CTSO: variants seen among roughly 807,000 people sequenced by gnomAD.
CTSO encodes the protein cathepsin O.
A neutral mutation model predicts 42.4 loss-of-function variants in CTSO; 40 were observed. The observed-to-expected ratio is 0.94, with a 90% CI of 0.73 to 1.23. CTSO has a LOEUF of 1.23. Among genes scored for constraint, CTSO ranks in the 50% most tolerant of loss-of-function variants. The pLI is 0.00. For missense variants in CTSO, 441 were observed against 396.0 expected, an observed-to-expected ratio of 1.11 and a Z score of -0.96; for synonymous variants, 156 against 146.2, an observed-to-expected ratio of 1.07 and a Z score of -0.48.
At chr4:155,928,284 A>C in intron 7 of CTSO, 52 bp downstream of exon 7, 1 of 1,321,420 alleles carries the variant, frequency 7.6e-7, no homozygotes. Context: ...AAATATTCAA[A>C]TAATCTCCTT....
intron 3 of CTSO, among the ~76,000 whole-genome samples, chr4:155,939,893 C>A (rs1743398430): frequency 6.6e-6 from 1 of 152,140 alleles, no homozygotes; most frequent in Admixed American, 6.5e-5. Context: ...GGCTTTTCTT[C>A]TGGAGAGTGT....
chr4:155,945,710 C>A (rs956245145), intron 1 of CTSO, among the ~76,000 whole-genome samples: 6 of 152,154 alleles, frequency 3.9e-5, no homozygotes, highest in African/African-American at 4.8e-5. Context: ...AATAGAACTA[C>A]ATACCAGTAT....
chr4:155,928,420 G>A lies in CTSO; in HGVS notation c.847C>T (p.Pro283Ser). The stretch of plus-strand genomic sequence containing the variant: ...CAGGAATTCCGCACAATCCAATATG[G>A]AGTGCTTCCTACAGTGAAACATAAA... ...ITGFDKTGST[P>S]YWIVRNSWGS... Residue 283 changes from proline to serine, a missense_variant, in exon 7 of 8, where the codon CCA becomes TCA. Pro to Ser is a moderately conservative substitution (Grantham distance 74). Transcript: ENST00000433477. 6.2e-7 allele frequency: 1 copy of A among 1,607,958 alleles called. No homozygotes were observed. Among genetic ancestry groups the A allele is most frequent in the Non-Finnish European group, 8.5e-7 (1 of 1,176,312 alleles).
intron 7 of CTSO, among the ~76,000 whole-genome samples, chr4:155,928,124 T>C (rs111805716): frequency 1.3e-5 from 2 of 152,090 alleles, no homozygotes; most frequent in East Asian, 1.9e-4. Flanking sequence ...GAGATATATA[T>C]GTAATATATA....
At chr4:155,926,720 C>T (rs1306074233) in intron 7 of CTSO, among the ~76,000 whole-genome samples, 1 of 152,196 alleles carries the variant, frequency 6.6e-6, no homozygotes, top group Non-Finnish European at 1.5e-5. Context: ...GATTACCAAC[C>T]AGGCATGCCC....
Position 155,928,441 on chromosome 4 carries a change from A to G in CTSO, c.839-13T>C, listed in dbSNP as rs759264752. ...TATGGAGTGCTTCCTACAGTGAAACATAAATAGTAACAAATCCTGAAAACT... is the reference window on the plus strand; with the variant it reads ...TATGGAGTGCTTCCTACAGTGAAACGTAAATAGTAACAAATCCTGAAAACT... On this transcript the variant is annotated splice_polypyrimidine_tract_variant and intron_variant, in intron 6 of 7. Coordinates refer to ENST00000433477, the MANE Select transcript of CTSO (RefSeq NM_001334.3). 1.9e-6 allele frequency: 3 copies of G among 1,567,026 alleles called. No individual in the cohort carries two copies. Among genetic ancestry groups the G allele is most frequent in the Non-Finnish European group, 2.6e-6 (3 of 1,152,780 alleles).
At chr4:155,950,658 G>A (rs1308967497) in intron 1 of CTSO, among the ~76,000 whole-genome samples, 1 of 151,492 alleles carries the variant, frequency 6.6e-6, no homozygotes, top group Non-Finnish European at 1.5e-5. Flanking sequence ...TGAGGGGCCT[G>A]CGAGCATGCA....
At chr4:155,943,496 T>C (rs972556063) in intron 1 of CTSO, among the ~76,000 whole-genome samples, 3 of 152,194 alleles carry the variant, frequency 2.0e-5, no homozygotes, top group African/African-American at 7.2e-5. Context: ...TTTATTCATT[T>C]ATAATTCCCC....
Position 155,939,515 on chromosome 4 carries a change from G to C in CTSO, c.408C>G (p.Ser136Arg). Residue 136 changes from serine (S) to arginine (R), a missense_variant, in exon 4 of 8, where the codon AGC (serine) becomes AGG (arginine). Physicochemically the swap from Ser to Arg is moderately radical, Grantham distance 110 (BLOSUM62 -1). Coordinates refer to ENST00000433477, the MANE Select transcript of CTSO (RefSeq NM_001334.3). Reference protein sequence around the residue: ...QQMCGGCWAFSVVGAVESAYA... With the variant: ...QQMCGGCWAFRVVGAVESAYA... ...AAGCAGATTCCACTGCCCCCACCAC[G>C]CTGAAGGCCCAGCATCCTCCACACT... 1 of 1,613,570 alleles carries C rather than the reference G, an allele frequency of 6.2e-7. No individual in the cohort carries two copies. The highest frequency in any genetic ancestry group is 8.5e-7 in the Non-Finnish European group (1 of 1,179,710).
At chr4:155,941,543 T>G (rs1289975471) in intron 3 of CTSO, among the ~76,000 whole-genome samples, 1 of 152,234 alleles carries the variant, frequency 6.6e-6, no homozygotes, top group East Asian at 1.9e-4. Flanking sequence ...CTATATTTAT[T>G]GCAGTACTTA....
intron 1 of CTSO, among the ~76,000 whole-genome samples, chr4:155,948,401 A>G (rs961266516): frequency 6.6e-6 from 1 of 150,588 alleles, no homozygotes; most frequent in African/African-American, 2.5e-5. Flanking sequence ...GTGTGTGTGC[A>G]CATGTGTACT....
chr4:155,946,375 GA>G (rs1743547459), intron 1 of CTSO, among the ~76,000 whole-genome samples: 1 of 152,100 alleles, frequency 6.6e-6, no homozygotes, highest in African/African-American at 2.4e-5. Context: ...TGAAATAAAT[GA>G]ATGTATTATT....
rs1050054129 is a variant in CTSO, at chr4:155,953,793, C to G, written c.55G>C (p.Gly19Arg). The change falls in exon 1 of 8, where the codon GGC becomes CGC. Residue 19 changes from glycine to arginine, a missense_variant. Physicochemically the swap from Gly to Arg is moderately radical, Grantham distance 125 (BLOSUM62 -2). Transcript: ENST00000433477. ...GCGCGGGAGTCCGCATCGCCGCCGC[C>G]CCGGCACAGCAGCCACAGCAGCCAC... ...LPWLLWLLCR[G>R]GGDADSRAPF... The G allele has an allele frequency of 7.4e-7, 1 of 1,347,470 alleles. No homozygotes were observed. Among genetic ancestry groups the G allele is most frequent in the Non-Finnish European group, 9.6e-7 (1 of 1,045,918 alleles). 83.5% of individuals were successfully genotyped at this position (1,347,470 alleles called of 1,614,324 possible).
In CTSO at chr4:155,953,852, G is replaced by A. The variant is rs1400265621; in HGVS notation, c.-5C>T. The stretch of plus-strand genomic sequence containing the variant: ...CGGCAGCGCCCGCACGTCCATTGCG[G>A]CGCCCGGCTCCTCTGCCGCCCGCGC... On this transcript the variant is annotated 5_prime_UTR_variant, in exon 1 of 8. Transcript: ENST00000433477. 3.2e-5 allele frequency: 41 copies of A among 1,276,782 alleles called. No individual in the cohort carries two copies. The highest frequency in any genetic ancestry group is 3.9e-5 in the Non-Finnish European group (40 of 1,015,406). 79.1% of individuals were successfully genotyped at this position (1,276,782 alleles called of 1,614,324 possible). A position where few individuals can be genotyped will look rare whatever the true frequency, so the allele number is the denominator to read the frequency against.
chr4:155,928,877 C>A (rs1425546347), intron 6 of CTSO, among the ~76,000 whole-genome samples: 1 of 152,144 alleles, frequency 6.6e-6, no homozygotes, highest in Non-Finnish European at 1.5e-5. Context: ...AAGACATTTA[C>A]ATTGGGAACA....
intron 6 of CTSO, 90 bp downstream of exon 6, chr4:155,929,452 A>C (rs958435667): frequency 4.4e-6 from 6 of 1,365,824 alleles, no homozygotes; most frequent in Non-Finnish European, 6.0e-6. Context: ...ATCATAGCAG[A>C]ACCAAATTTC....
intron 1 of CTSO, among the ~76,000 whole-genome samples, chr4:155,948,391 G>A (rs1479567825): frequency 1.3e-5 from 2 of 151,950 alleles, no homozygotes; most frequent in Non-Finnish European, 2.9e-5. Flanking sequence ...GTGTGTGTGT[G>A]TGTGTGTGCA....
chr4:155,948,689 G>A (rs762104714), intron 1 of CTSO, among the ~76,000 whole-genome samples: 24 of 152,172 alleles, frequency 1.6e-4, no homozygotes, highest in Admixed American at 5.9e-4. Context: ...AAATTCCTCA[G>A]AAATCAACAT....
chr4:155,946,546 G>A (rs959549837), intron 1 of CTSO, among the ~76,000 whole-genome samples: 2 of 152,084 alleles, frequency 1.3e-5, no homozygotes, highest in African/African-American at 4.8e-5. Flanking sequence ...AGCGGCACTA[G>A]TGTCTGCAGG....
Sources: allele counts gnomAD v4.1 joint callset (sites outside exome capture counted in the v4.1 genomes callset), GRCh38; gene constraint gnomAD v4.1.1; transcripts MANE v1.5; gene names NCBI Gene and HGNC (gene_info 2026-07-23, HGNC 2026-07-21).